The following PCCA variants were observed in gnomAD, a reference collection of about 807,000 sequenced individuals.
PCCA encodes the protein propionyl-CoA carboxylase alpha chain, mitochondrial.
PCCA carries 74 observed loss-of-function variants against 101.3 expected under a neutral mutation model. That is an observed-to-expected ratio of 0.73 (90% CI 0.61 to 0.89). The LOEUF is 0.89. Among genes scored for constraint, PCCA ranks in the 40% least tolerant of loss-of-function variants. The pLI is 0.00. For synonymous variants in PCCA, 294 were observed against 313.6 expected (o/e 0.94, Z 0.66); for missense variants, 891 against 907.0 (o/e 0.98, Z 0.23).
At chr13:100,469,942 G>T (rs1386155810) in intron 21 of PCCA, among the ~76,000 whole-genome samples, 1 of 152,208 alleles carries the variant, frequency 6.6e-6, no homozygotes, top group Non-Finnish European at 1.5e-5. Context: ...GTGACCTGGG[G>T]ATTTCCAAAT....
chr13:100,302,840 TG>T (rs1198007381), intron 13 of PCCA, 83 bp from the exon 14 acceptor site: 6 of 818,622 alleles, frequency 7.3e-6, no homozygotes, highest in Non-Finnish European at 8.8e-6. Context: ...GACCTATAAA[TG>T]GTTCTTCATT....
At chr13:100,126,379 G>T (rs1293143323) in intron 4 of PCCA, among the ~76,000 whole-genome samples, 1 of 151,906 alleles carries the variant, frequency 6.6e-6, no homozygotes, top group Non-Finnish European at 1.5e-5. Context: ...ATGCATAAAG[G>T]GTTTGGGTTT....
intron 6 of PCCA, among the ~76,000 whole-genome samples, chr13:100,164,027 T>C (rs939366088): frequency 5.9e-5 from 9 of 152,256 alleles, no homozygotes; most frequent in Non-Finnish European, 1.2e-4. Flanking sequence ...ATCACTATCC[T>C]CTATGTTATA....
chr13:100,488,340 G>A (rs942953327), intron 21 of PCCA, among the ~76,000 whole-genome samples: 7 of 152,296 alleles, frequency 4.6e-5, no homozygotes, highest in East Asian at 1.9e-4. Flanking sequence ...TGATCCACCC[G>A]CCTCGGCTTC....
chr13:100,206,926 G>T (rs867154251), intron 6 of PCCA, among the ~76,000 whole-genome samples: 9 of 152,144 alleles, frequency 5.9e-5, no homozygotes, highest in African/African-American at 1.7e-4. Context: ...CCCAGTTTAT[G>T]ATACTTACCT....
At chr13:100,089,550 C>T (rs888181457) in intron 1 of PCCA, among the ~76,000 whole-genome samples, 1 of 152,200 alleles carries the variant, frequency 6.6e-6, no homozygotes, top group Non-Finnish European at 1.5e-5. Context: ...CAGGGCCCCG[C>T]GGCATTGGCT....
At chr13:100,264,447 T>C (rs1188458058) in intron 10 of PCCA, among the ~76,000 whole-genome samples, 1 of 152,164 alleles carries the variant, frequency 6.6e-6, no homozygotes, top group African/African-American at 2.4e-5. Flanking sequence ...GCTGTTCCTA[T>C]CTGATGTCAG....
At chr13:100,507,679 C>T (rs547327322) in intron 21 of PCCA, among the ~76,000 whole-genome samples, 1 of 152,226 alleles carries the variant, frequency 6.6e-6, no homozygotes, top group South Asian at 2.1e-4. Context: ...TTTCTTGAGA[C>T]AGAGTCTCGC....
intron 21 of PCCA, among the ~76,000 whole-genome samples, chr13:100,454,467 A>T (rs1276060342): frequency 1.3e-5 from 2 of 152,242 alleles, no homozygotes; most frequent in Non-Finnish European, 2.9e-5. Flanking sequence ...TGAAGATAGT[A>T]GTGGTCCTGT....
intron 21 of PCCA, chr13:100,479,778 C>A (rs1218631715): frequency 2.1e-5 from 3 of 143,924 alleles, no homozygotes; most frequent in South Asian, 2.3e-4. Flanking sequence ...AAAATGATTC[C>A]ATTTTTAGTA....
chr13:100,385,763 C>T (rs2076466012), intron 19 of PCCA, among the ~76,000 whole-genome samples: 1 of 152,120 alleles, frequency 6.6e-6, no homozygotes, highest in Non-Finnish European at 1.5e-5. Flanking sequence ...GCTGAATAGT[C>T]AGCATGCCCA....
chr13:100,179,090 AAAT>A (rs377468025), intron 6 of PCCA, among the ~76,000 whole-genome samples: 32,416 of 119,782 alleles, frequency 0.27, 3,679 homozygotes, highest in East Asian at 0.52. Flanking sequence ...AAAAAAAAAA[AAAT>A]ATATATATAT....
intron 18 of PCCA, among the ~76,000 whole-genome samples, chr13:100,344,107 T>C (rs1275948185): frequency 6.6e-6 from 1 of 152,158 alleles, no homozygotes; most frequent in Non-Finnish European, 1.5e-5. Flanking sequence ...ATAGATGTTA[T>C]ACAAGTAAAT....
At chr13:100,170,949 G>T (rs549737931) in intron 6 of PCCA, among the ~76,000 whole-genome samples, 1 of 152,302 alleles carries the variant, frequency 6.6e-6, no homozygotes, top group African/African-American at 2.4e-5. Context: ...GGTACCTGGG[G>T]ACTCTTGAGA....
At position 100,174,748 on chromosome 13, in the gene PCCA, AAAAG is replaced by A. The variant is rs542906809; in HGVS notation, c.468+17414_468+17417del. ...ATCTCAAAAAAAAAAAAAAGAAAAA[AAAAG>A]AAAGAGAATTTAGCATGCATTTAGG... On this transcript the variant is annotated intron_variant, in intron 6 of 23. Transcript: ENST00000376285. Among the ~76,000 whole-genome samples, 714 of 151,704 alleles carry A rather than the reference AAAAG, an allele frequency of 4.7e-3. 2 individuals are homozygous for A. Among genetic ancestry groups the A allele is most frequent in the Non-Finnish European group, 7.1e-3 (483 of 67,888 alleles).
chr13:100,354,208 C>T (rs1211772773), intron 18 of PCCA, among the ~76,000 whole-genome samples: 2 of 150,220 alleles, frequency 1.3e-5, no homozygotes, highest in Non-Finnish European at 1.5e-5. Context: ...CCCAGGAAGT[C>T]AGGGCTGTAG....
chr13:100,378,996 T>C (rs1404777073), intron 19 of PCCA, among the ~76,000 whole-genome samples: 1 of 152,202 alleles, frequency 6.6e-6, no homozygotes. Flanking sequence ...CCTTGCTTTT[T>C]CATGTTTCCT....
chr13:100,171,902 G>C (rs2055698580), intron 6 of PCCA, among the ~76,000 whole-genome samples: 1 of 151,902 alleles, frequency 6.6e-6, no homozygotes, highest in African/African-American at 2.4e-5. Context: ...CGTGGTGGCA[G>C]GCACCTGTAG....
intron 9 of PCCA, among the ~76,000 whole-genome samples, chr13:100,262,326 A>C (rs2062575045): frequency 6.6e-6 from 1 of 152,010 alleles, no homozygotes; most frequent in African/African-American, 2.4e-5. Context: ...CCCGGCAGGC[A>C]GAGGTTGCAG....
Sources: gnomAD v4.1 joint callset for allele counts (sites outside exome capture counted in the v4.1 genomes callset) on GRCh38, gnomAD v4.1.1 for gene constraint, MANE v1.5 for transcripts, NCBI Gene and HGNC (gene_info 2026-07-23, HGNC 2026-07-21) for gene names.